ABCB4: variants seen among roughly 807,000 people sequenced by gnomAD.
ABCB4 encodes phosphatidylcholine translocator ABCB4.
In ABCB4, 76 loss-of-function variants were observed where a neutral mutation model predicts 145.7. The ratio of observed to expected loss-of-function variants is 0.52; its 90% CI spans 0.43 to 0.63. The LOEUF (loss-of-function observed/expected upper bound fraction) is 0.63. Among genes scored for constraint, ABCB4 ranks in the 30% least tolerant of loss-of-function variants. The probability of loss-of-function intolerance (pLI) is 0.00; values close to 1 mark genes in which losing one functional copy is unlikely to be tolerated. For synonymous variants in ABCB4, 517 were observed against 566.8 expected, an observed-to-expected ratio of 0.91 and a Z score of 1.25; for missense variants, 1,234 against 1,553.1, an observed-to-expected ratio of 0.79 and a Z score of 3.45.
the ABCB4 span, chr7:87,377,296 C>A: frequency 8.9e-7 from 1 of 1,123,536 alleles, no homozygotes; most frequent in Non-Finnish European, 1.3e-6. Flanking sequence ...GATGTAAATT[C>A]TTACAAACCA....
chr7:87,417,252 C>G lies in ABCB4; in HGVS notation c.2682+60G>C. On this transcript the variant is annotated intron_variant, in intron 21 of 27. Transcript: ENST00000649586. ...AGCCTGCATATCATGATAAATAATT[C>G]AAATAAAACACATGTCTAAAAACAA... 2.0e-6 allele frequency: 3 copies of G among 1,507,898 alleles called. No individual in the cohort carries two copies. In the Admixed American group the frequency reaches 5.0e-5, roughly 25 times the overall value. 93.4% of individuals were successfully genotyped at this position (1,507,898 alleles called of 1,614,324 possible).
chr7:87,388,251 C>A, the ABCB4 span, among the ~76,000 whole-genome samples: 1 of 151,738 alleles, frequency 6.6e-6, no homozygotes, highest in Non-Finnish European at 1.5e-5. Context: ...TACTGACTTT[C>A]TTCAGAAAAT....
chr7:87,431,505 C>T lies in ABCB4; in HGVS notation c.1792G>A (p.Asp598Asn), dbSNP rs1459679657. 3 of 1,614,050 alleles carry T rather than the reference C, an allele frequency of 1.9e-6. No individual in the cohort carries two copies. The Admixed American group carries it at 5.0e-5, about 27-fold the overall frequency. Residue 598 changes from aspartate to asparagine, a missense_variant, in exon 15 of 28, where the codon GAT (aspartate) becomes AAT (asparagine). Asp to Asn is a conservative substitution (Grantham distance 23). This residue lies in a region of ABCB4 where 321 missense variants were observed against 332.6 expected (regional missense o/e 0.97). Coordinates refer to ENST00000649586, the MANE Select transcript of ABCB4 (RefSeq NM_000443.4). ...AHRLSTVRNA[D>N]VIAGFEDGVI... ...CCATCCTCAAACCCAGCGATGACAT[C>T]TGCATTTCGGACCGTAGACAGTCGG...
At chr7:87,384,893 G>A in the ABCB4 span, among the ~76,000 whole-genome samples, 5 of 152,118 alleles carry the variant, frequency 3.3e-5, no homozygotes, top group East Asian at 1.9e-4. Flanking sequence ...TTTTGTACAC[G>A]GTAAGAGATA....
At chr7:87,392,650 TAAG>T in the ABCB4 span, 1 of 1,612,390 alleles carries the variant, frequency 6.2e-7, no homozygotes, top group Non-Finnish European at 8.5e-7. Flanking sequence ...AAAAGGTACT[TAAG>T]TTAAAATTTT....
chr7:87,475,336 T>C, intron 2 of ABCB4, 50 bp downstream of exon 2: 1 of 1,603,808 alleles, frequency 6.2e-7, no homozygotes, highest in Admixed American at 1.7e-5. Flanking sequence ...GTGAACTTAG[T>C]CCTGCTGATT....
intron 3 of ABCB4, among the ~76,000 whole-genome samples, chr7:87,468,125 T>G (rs957310467): frequency 6.6e-6 from 1 of 151,984 alleles, no homozygotes; most frequent in African/African-American, 2.4e-5. Flanking sequence ...TTTGAAAAGA[T>G]CAACAAAATT....
chr7:87,411,180 C>T (rs1348439967), intron 23 of ABCB4, among the ~76,000 whole-genome samples: 3 of 151,836 alleles, frequency 2.0e-5, no homozygotes, highest in African/African-American at 7.3e-5. Context: ...AAAAACCCAG[C>T]TCTTAACACA....
the ABCB4 span, chr7:87,382,370 C>T: frequency 6.3e-7 from 1 of 1,597,048 alleles, no homozygotes; most frequent in South Asian, 1.1e-5. Context: ...GTGTATTCTC[C>T]TTAGGTGATT....
intron 14 of ABCB4, among the ~76,000 whole-genome samples, chr7:87,437,310 C>A (rs1283118318): frequency 6.6e-6 from 1 of 152,076 alleles, no homozygotes; most frequent in Non-Finnish European, 1.5e-5. Context: ...TGAGAAGTCA[C>A]ATGGAGAATT....
At position 87,403,219 on chromosome 7, in the gene ABCB4, A is replaced by C. The variant is rs1807932707; in HGVS notation, c.3549T>G (p.Ile1183Met). 1 of 1,613,948 alleles carries C rather than the reference A, an allele frequency of 6.2e-7. No homozygotes were observed. Among genetic ancestry groups the C allele is most frequent in the African/African-American group, 1.3e-5 (1 of 74,900 alleles). ...TQLSGGQKQRIAIARALIRQP... is the reference protein window; with the variant it reads ...TQLSGGQKQRMAIARALIRQP... ...GTCTGATGAGGGCTCGGGCAATAGC[A>C]ATCCTCTGTTTTTGACCTCCTGAGA... The change falls in exon 27 of 28, where the codon ATT becomes ATG. Residue 1183 changes from isoleucine (I) to methionine (M), a missense_variant. Ile to Met is a conservative substitution (Grantham distance 10). Around this residue, in one of 7 missense-constraint regions of ABCB4, gnomAD observed 301 missense variants for 389.0 expected, o/e 0.77. Transcript: ENST00000649586.
the ABCB4 span, among the ~76,000 whole-genome samples, chr7:87,367,562 C>T: frequency 6.6e-6 from 1 of 152,198 alleles, no homozygotes; most frequent in Non-Finnish European, 1.5e-5. Flanking sequence ...TGCCCATTCT[C>T]TACCCCCTTG....
intron 27 of ABCB4, among the ~76,000 whole-genome samples, 183 bp downstream of exon 27, chr7:87,402,952 T>A (rs1043958883): frequency 2.0e-5 from 3 of 152,194 alleles, no homozygotes; most frequent in African/African-American, 7.2e-5. Context: ...TGAGCTGGAT[T>A]GCGCCACTGC....
the ABCB4 span, among the ~76,000 whole-genome samples, chr7:87,392,144 C>T: frequency 6.6e-6 from 1 of 152,126 alleles, no homozygotes; most frequent in South Asian, 2.1e-4. Flanking sequence ...AGCATTTAGA[C>T]AACAGCAAAT....
At chr7:87,434,289 G>A (rs917864687) in intron 14 of ABCB4, among the ~76,000 whole-genome samples, 2 of 151,778 alleles carry the variant, frequency 1.3e-5, no homozygotes, top group African/African-American at 4.8e-5. Context: ...CCATGATCAG[G>A]AGTGTGCATG....
At chr7:87,464,012 A>C (rs933105014) in intron 3 of ABCB4, among the ~76,000 whole-genome samples, 1 of 151,406 alleles carries the variant, frequency 6.6e-6, no homozygotes, top group African/African-American at 2.4e-5. Flanking sequence ...ATAGCTTCCT[A>C]TCTTTTTTTT....
At chr7:87,443,838 A>T in intron 10 of ABCB4, 65 bp from the exon 11 acceptor site, 2 of 1,310,352 alleles carry the variant, frequency 1.5e-6, no homozygotes, top group Non-Finnish European at 2.2e-6. Flanking sequence ...TTTAAGGAAT[A>T]TGATTCAGCA....
At chr7:87,466,184 C>T (rs531514678) in intron 3 of ABCB4, among the ~76,000 whole-genome samples, 6 of 152,198 alleles carry the variant, frequency 3.9e-5, no homozygotes, top group South Asian at 2.1e-4. Flanking sequence ...CTAGAATAAC[C>T]GATGCAGAGA....
chr7:87,421,469 A>G (rs1451261353), intron 18 of ABCB4, among the ~76,000 whole-genome samples: 1 of 152,228 alleles, frequency 6.6e-6, no homozygotes, highest in African/African-American at 2.4e-5. Context: ...TAGTAGGGCA[A>G]TGATTTCTAA....
Sources: allele counts gnomAD v4.1 joint callset (sites outside exome capture counted in the v4.1 genomes callset), GRCh38; gene constraint gnomAD v4.1.1; regional missense constraint gnomAD v4.1.1; transcripts MANE v1.5; gene names NCBI Gene and HGNC (gene_info 2026-07-23, HGNC 2026-07-21).